Variants in HROB observed in about 807,000 individuals in gnomAD.
HROB encodes homologous recombination OB-fold protein.
Under a neutral mutation model 61.0 loss-of-function variants are expected in HROB, and 44 were observed. The observed-to-expected ratio is 0.72, with a 90% CI of 0.57 to 0.93. HROB has a LOEUF of 0.93. Among genes scored for constraint, HROB ranks in the 40% least tolerant of loss-of-function variants. HROB has a pLI of 0.00. For missense variants in HROB, 716 were observed against 796.2 expected, an observed-to-expected ratio of 0.90 and a Z score of 1.21; for synonymous variants, 301 against 310.4, an observed-to-expected ratio of 0.97 and a Z score of 0.32.
chr17:44,156,329 AGATTCAAGC>A (rs2053968209), intron 8 of HROB, among the ~76,000 whole-genome samples: 1 of 151,288 alleles, frequency 6.6e-6, no homozygotes, highest in Non-Finnish European at 1.5e-5. Context: ...TCTGCCTTCC[AGATTCAAGC>A]GATTCTCCCA....
At chr17:44,153,271 C>A (rs558899821) in intron 5 of HROB, among the ~76,000 whole-genome samples, 128 of 151,750 alleles carry the variant, frequency 8.4e-4, no homozygotes, top group African/African-American at 2.8e-3. Context: ...CAAAGCGAGA[C>A]CCTGTCTCTA....
Position 44,142,123 on chromosome 17 carries a change from G to C in HROB, c.-20G>C. 6.5e-7 allele frequency: 1 copy of C among 1,529,582 alleles called. No homozygotes were observed. The highest frequency in any genetic ancestry group is 8.7e-7 in the Non-Finnish European group (1 of 1,143,798). 94.8% of individuals were successfully genotyped at this position (1,529,582 alleles called of 1,614,324 possible). On this transcript the variant is annotated 5_prime_UTR_variant, in exon 1 of 10. Transcript: ENST00000585683. ...GGGGTGCCGGGCCAACCTCCCCGCC[G>C]AGGCCCACCCGCCGTCGCTATGGTA...
At position 44,141,970 on chromosome 17, in the gene HROB, C is replaced by T. The variant is rs1317740628; in HGVS notation, c.-173C>T. On this transcript the variant is annotated 5_prime_UTR_variant, in exon 1 of 10. Coordinates refer to ENST00000585683, the MANE Select transcript of HROB (RefSeq NM_001171251.3). The stretch of plus-strand genomic sequence containing the variant: ...GAATGCGGCCTAAGGCGCCTGCCGC[C>T]AGTCTCCTGGCGACTTTCCCTATAT... 1.2e-5 allele frequency: 11 copies of T among 909,524 alleles called. No individual in the cohort carries two copies. The highest frequency in any genetic ancestry group is 1.7e-5 in the Non-Finnish European group (11 of 634,160). The allele number at this position is 909,524 out of a possible 1,614,324, so 56.3% of individuals were successfully genotyped here. A position where few individuals can be genotyped will look rare whatever the true frequency, so the allele number is the denominator to read the frequency against.
At chr17:44,160,924 C>G (rs1219599391) in intron 9 of HROB, among the ~76,000 whole-genome samples, 1 of 152,062 alleles carries the variant, frequency 6.6e-6, no homozygotes, top group African/African-American at 2.4e-5. Context: ...GCTGGTGGGC[C>G]GGGCATGGTG....
chr17:44,145,781 T>C (rs1302350144), intron 2 of HROB, among the ~76,000 whole-genome samples: 1 of 152,250 alleles, frequency 6.6e-6, no homozygotes, highest in Non-Finnish European at 1.5e-5. Context: ...AGCTCGCACG[T>C]TAGAATTACC....
At chr17:44,150,144 A>G (rs1426278552) in intron 3 of HROB, among the ~76,000 whole-genome samples, 1 of 152,162 alleles carries the variant, frequency 6.6e-6, no homozygotes, top group Non-Finnish European at 1.5e-5. Context: ...CTAGTCTTGG[A>G]TCAGATCCCA....
chr17:44,152,227 G>A (rs1017720646), intron 4 of HROB, among the ~76,000 whole-genome samples: 3 of 152,134 alleles, frequency 2.0e-5, no homozygotes, highest in South Asian at 2.1e-4. Context: ...TGATCCACCC[G>A]CCTCGGCCTT....
chr17:44,147,432 CTTTCT>C (rs1448556276), intron 2 of HROB, among the ~76,000 whole-genome samples: 2 of 133,518 alleles, frequency 1.5e-5, no homozygotes, highest in African/African-American at 3.1e-5. Flanking sequence ...TTTTTCTTTT[CTTTCT>C]TTTTTTTTTT....
intron 9 of HROB, among the ~76,000 whole-genome samples, chr17:44,159,094 C>CT (rs1421685588): frequency 6.6e-6 from 1 of 152,168 alleles, no homozygotes; most frequent in Admixed American, 6.6e-5. Context: ...CCAGCCTGGT[C>CT]TTTAGCTTTT....
rs781348424 is a variant in HROB, at chr17:44,148,812, C to T, written c.1009C>T (p.Arg337Trp). Residue 337 changes from arginine to tryptophan, a missense_variant, in exon 3 of 10, where the codon CGG becomes TGG. Arg to Trp is a moderately radical substitution (Grantham distance 101). Coordinates refer to ENST00000585683, the MANE Select transcript of HROB (RefSeq NM_001171251.3). ...PSRTSSGLFP[R>W]IPLQPQAPVS... ...AAGGACTAGCTCTGGATTATTTCCT[C>T]GGATACCCTTACAACCGCAAGCTCC... 20 of 1,614,082 alleles carry T rather than the reference C, an allele frequency of 1.2e-5. No individual in the cohort carries two copies. Among genetic ancestry groups the T allele is most frequent in the East Asian group, 6.7e-5 (3 of 44,904 alleles).
intron 4 of HROB, 71 bp from the exon 5 acceptor site, chr17:44,152,566 C>G: frequency 1.9e-6 from 3 of 1,542,872 alleles, no homozygotes; most frequent in Non-Finnish European, 2.6e-6. Flanking sequence ...CCCTTCCACC[C>G]TGTTTCAATC....
intron 9 of HROB, among the ~76,000 whole-genome samples, chr17:44,159,740 G>A (rs1011354101): frequency 5.3e-5 from 8 of 152,226 alleles, no homozygotes; most frequent in Non-Finnish European, 1.0e-4. Context: ...ATATGTCAGC[G>A]TTTTTTCTGT....
chr17:44,155,197 C>T, intron 7 of HROB, 89 bp from the exon 8 acceptor site: 2 of 1,568,080 alleles, frequency 1.3e-6, no homozygotes, highest in Admixed American at 3.5e-5. Flanking sequence ...GCAGAGGACA[C>T]CAAGTGAAAG....
intron 1 of HROB, 144 bp from the exon 2 acceptor site, chr17:44,145,059 C>G (rs1290722618): frequency 4.6e-6 from 4 of 865,122 alleles, no homozygotes; most frequent in African/African-American, 3.4e-5. Flanking sequence ...TCTTCTCATT[C>G]CTTAGTCCTT....
chr17:44,150,906 T>G (rs1461095410), intron 3 of HROB, 55 bp from the exon 4 acceptor site: 1 of 1,443,130 alleles, frequency 6.9e-7, no homozygotes, highest in African/African-American at 1.4e-5. Flanking sequence ...TAAGCTGTAC[T>G]TGTAAATAAC....
Position 44,162,029 on chromosome 17 carries a change from A to C in HROB, c.*97A>C. On this transcript the variant is annotated 3_prime_UTR_variant, in exon 10 of 10. Transcript: ENST00000585683. ...GAGAAGAAGGCCAGCATGATTGGAG[A>C]GTGGACACAGCCGGGGGGCTTCTGT... The C allele has an allele frequency of 7.2e-7, 1 of 1,390,466 alleles. No individual in the cohort carries two copies. Among genetic ancestry groups the C allele is most frequent in the Non-Finnish European group, 1.0e-6 (1 of 990,488 alleles). The allele number at this position is 1,390,466 out of a possible 1,614,324, so 86.1% of individuals were successfully genotyped here. A position where few individuals can be genotyped will look rare whatever the true frequency, so the allele number is the denominator to read the frequency against.
intron 1 of HROB, among the ~76,000 whole-genome samples, chr17:44,142,745 G>A (rs562812468): frequency 6.6e-6 from 1 of 152,128 alleles, no homozygotes; most frequent in African/African-American, 2.4e-5. Context: ...TACTCTCCTG[G>A]GACCCTAGTT....
At position 44,155,421 on chromosome 17, in the gene HROB, G is replaced by A; in HGVS notation, c.1770+10G>A. 1 of 1,613,522 alleles carries A rather than the reference G, an allele frequency of 6.2e-7. No individual in the cohort carries two copies. On this transcript the variant is annotated intron_variant, in intron 8 of 9. Coordinates refer to ENST00000585683, the MANE Select transcript of HROB (RefSeq NM_001171251.3). ...TCAGCCCTTCCCCAAGGTAAGAGGAGCAGGAAGAAACGGGAGACTGGTAAG... is the reference window on the plus strand; with the variant it reads ...TCAGCCCTTCCCCAAGGTAAGAGGAACAGGAAGAAACGGGAGACTGGTAAG...
intron 5 of HROB, 24 bp downstream of exon 5, chr17:44,152,801 C>T (rs2053854968): frequency 6.2e-7 from 1 of 1,606,748 alleles, no homozygotes; most frequent in East Asian, 2.2e-5. Flanking sequence ...GTGCTGAGAC[C>T]CAAAGGAAAG....
Sources: gnomAD v4.1 joint callset for allele counts (sites outside exome capture counted in the v4.1 genomes callset) on GRCh38, gnomAD v4.1.1 for gene constraint, MANE v1.5 for transcripts, NCBI Gene and HGNC (gene_info 2026-07-23, HGNC 2026-07-21) for gene names.